Variants in AVL9 observed in about 807,000 individuals in gnomAD.
AVL9 encodes late secretory pathway protein AVL9 homolog.
In AVL9, 49 loss-of-function variants were observed where a neutral mutation model predicts 79.2. The ratio of observed to expected loss-of-function variants is 0.62; its 90% CI spans 0.49 to 0.79. AVL9 has a LOEUF of 0.79. Ranked by LOEUF, AVL9 falls within the 30% of genes least tolerant of loss-of-function variation. The probability of loss-of-function intolerance (pLI) is 0.00; values close to 1 mark genes in which losing one functional copy is unlikely to be tolerated. For missense variants in AVL9, 682 were observed against 776.8 expected (o/e 0.88, Z 1.45); for synonymous variants, 299 against 280.6 (o/e 1.07, Z -0.65).
chr7:32,535,811 G>GT (rs1238692293), intron 1 of AVL9: 1 of 152,064 alleles, frequency 6.6e-6, no homozygotes, highest in Non-Finnish European at 1.5e-5. Flanking sequence ...TAATCCCCAC[G>GT]TGTCAATGGC....
chr7:32,558,320 G>A (rs755695527), intron 8 of AVL9, among the ~76,000 whole-genome samples: 11 of 151,526 alleles, frequency 7.3e-5, no homozygotes, highest in Non-Finnish European at 1.5e-4. Context: ...ACCATGCCCG[G>A]CTAAGTTTTT....
chr7:32,581,013 A>T lies in AVL9; in HGVS notation c.1831+123A>T, dbSNP rs554153004. The T allele has an allele frequency of 1.2e-4, 99 of 798,234 alleles. No individual in the cohort carries two copies. In the South Asian group the frequency reaches 1.8e-3, roughly 14 times the overall value. The allele number at this position is 798,234 out of a possible 1,614,324, so 49.4% of individuals were successfully genotyped here. A position where few individuals can be genotyped will look rare whatever the true frequency, so the allele number is the denominator to read the frequency against. ...ATCTGTGTTATCACATAGTAATACA[A>T]GAGTTTTTTAAATTTTTGTCATATT... On this transcript the variant is annotated intron_variant, in intron 15 of 15. Coordinates refer to ENST00000318709, the MANE Select transcript of AVL9 (RefSeq NM_015060.3).
chr7:32,561,905 G>A (rs1454189097), intron 10 of AVL9, among the ~76,000 whole-genome samples: 1 of 152,156 alleles, frequency 6.6e-6, no homozygotes, highest in East Asian at 1.9e-4. Context: ...TGCATCTCAG[G>A]GGATAGGGAG....
At chr7:32,548,339 G>A (rs1244155664) in intron 3 of AVL9, among the ~76,000 whole-genome samples, 1 of 151,750 alleles carries the variant, frequency 6.6e-6, no homozygotes, top group Non-Finnish European at 1.5e-5. Context: ...GTAGAGATGG[G>A]GTTTCACCAT....
At chr7:32,565,983 A>AC in intron 10 of AVL9, among the ~76,000 whole-genome samples, 1 of 148,828 alleles carries the variant, frequency 6.7e-6, no homozygotes, top group Non-Finnish European at 1.5e-5. Flanking sequence ...ACTCCAAAAA[A>AC]AAAAAAGGCT....
chr7:32,585,396 T>A lies in AVL9; in HGVS notation c.*1489T>A, dbSNP rs532877913. The stretch of plus-strand genomic sequence containing the variant: ...CATGTGTGTGCCATCTACTGATGAT[T>A]TGTACACAGCTGGACCTCGTGTGTT... On this transcript the variant is annotated 3_prime_UTR_variant, in exon 16 of 16. Coordinates refer to ENST00000318709, the MANE Select transcript of AVL9 (RefSeq NM_015060.3). 6.6e-6 allele frequency: 1 copy of A among 152,202 alleles called. No homozygotes were observed. The allele number at this position is 152,202 out of a possible 1,614,324, so 9.4% of individuals were successfully genotyped here.
chr7:32,529,506 C>T (rs1788552156), intron 1 of AVL9, among the ~76,000 whole-genome samples: 1 of 152,096 alleles, frequency 6.6e-6, no homozygotes, highest in African/African-American at 2.4e-5. Context: ...CAGTTATTTC[C>T]CTTAAATTTC....
intron 1 of AVL9, among the ~76,000 whole-genome samples, chr7:32,521,093 T>C (rs1788125372): frequency 1.3e-5 from 2 of 152,136 alleles, no homozygotes; most frequent in African/African-American, 2.4e-5. Flanking sequence ...GGAACTTTAG[T>C]CCAATTAAAT....
chr7:32,503,365 T>TACACACACACACACACACACAC (rs796351504), intron 1 of AVL9, among the ~76,000 whole-genome samples: 18 of 103,110 alleles, frequency 1.7e-4, no homozygotes, highest in South Asian at 3.4e-4. Flanking sequence ...TAGAGAGATA[T>TACACACACACACACACACACAC]ATATATATAC....
intron 1 of AVL9, among the ~76,000 whole-genome samples, chr7:32,541,919 C>T (rs787221): frequency 0.36 from 54,097 of 151,634 alleles, 10,137 homozygotes; most frequent in African/African-American, 0.46. Flanking sequence ...TTCACCATGT[C>T]GGCCAGGCTG....
At chr7:32,503,339 T>TATATATATATATATATATAG (rs1787235612) in intron 1 of AVL9, among the ~76,000 whole-genome samples, 1 of 88,776 alleles carries the variant, frequency 1.1e-5, no homozygotes, top group African/African-American at 3.7e-5. Context: ...TATATCTATA[T>TATATATATATATATATATAG]ATATAGATAT....
chr7:32,521,629 G>A (rs889919518), intron 1 of AVL9, among the ~76,000 whole-genome samples: 7 of 152,178 alleles, frequency 4.6e-5, no homozygotes, highest in Non-Finnish European at 1.0e-4. Context: ...AAAATTTGCA[G>A]CATTACTATG....
At chr7:32,505,278 C>T (rs922353080) in intron 1 of AVL9, among the ~76,000 whole-genome samples, 2 of 151,852 alleles carry the variant, frequency 1.3e-5, no homozygotes, top group Non-Finnish European at 2.9e-5. Flanking sequence ...GTAATCCCAG[C>T]ACTTTGGGAG....
chr7:32,541,784 G>A lies in AVL9; in HGVS notation c.94-1357G>A, dbSNP rs184280612. 1.3e-3 allele frequency among the ~76,000 whole-genome samples: 189 copies of A among 150,956 alleles called. 1 individual carries two copies. The highest frequency in any genetic ancestry group is 1.8e-3 in the Non-Finnish European group (120 of 67,874). ...GGCTGCAGTGCAGTGGCGCAATCTC[G>A]GCTCACTGTAACCTCCACCTCCTGG... On this transcript the variant is annotated intron_variant, in intron 1 of 15. Coordinates refer to ENST00000318709, the MANE Select transcript of AVL9 (RefSeq NM_015060.3).
At chr7:32,576,428 A>G (rs1022160835) in intron 13 of AVL9, among the ~76,000 whole-genome samples, 2 of 152,210 alleles carry the variant, frequency 1.3e-5, no homozygotes, top group African/African-American at 4.8e-5. Context: ...AGAAGGAAAT[A>G]CCACTGGTTT....
intron 10 of AVL9, among the ~76,000 whole-genome samples, chr7:32,569,355 G>A (rs1187535958): frequency 6.9e-6 from 1 of 145,472 alleles, no homozygotes; most frequent in Non-Finnish European, 1.5e-5. Context: ...TGTACTCTCA[G>A]GAAGTATGCT....
intron 8 of AVL9, among the ~76,000 whole-genome samples, chr7:32,555,888 A>C (rs1342520858): frequency 6.6e-6 from 1 of 152,192 alleles, no homozygotes; most frequent in African/African-American, 2.4e-5. Flanking sequence ...CTATTTTCCA[A>C]AATTAATCTG....
At position 32,579,471 on chromosome 7, in the gene AVL9, A is replaced by G. The variant is rs1791309013; in HGVS notation, c.1689-748A>G. On this transcript the variant is annotated intron_variant, in intron 13 of 15. Transcript: ENST00000318709. ...ATATATTATATATTATATATAATAT[A>G]TTATATTATATATAATATATTACAT... Among the ~76,000 whole-genome samples, 2 of 6,758 alleles carry G rather than the reference A, an allele frequency of 3.0e-4. 1 individual carries two copies. Among genetic ancestry groups the G allele is most frequent in the Admixed American group, 7.5e-3 (2 of 266 alleles). 4.4% of individuals were successfully genotyped at this position (6,758 alleles called of 152,430 possible).
At chr7:32,499,954 C>T (rs1270619833) in intron 1 of AVL9, among the ~76,000 whole-genome samples, 1 of 152,168 alleles carries the variant, frequency 6.6e-6, no homozygotes, top group Non-Finnish European at 1.5e-5. Flanking sequence ...GCATAGTATT[C>T]CATGGTGTGT....
Sources: allele counts gnomAD v4.1 joint callset (sites outside exome capture counted in the v4.1 genomes callset), GRCh38; gene constraint gnomAD v4.1.1; transcripts MANE v1.5; gene names NCBI Gene and HGNC (gene_info 2026-07-23, HGNC 2026-07-21).